Variants in IMMP2L observed in about 807,000 individuals in gnomAD.
IMMP2L encodes the protein mitochondrial inner membrane protease subunit 2.
Under a neutral mutation model 19.3 loss-of-function variants are expected in IMMP2L, and 18 were observed. The observed-to-expected ratio is 0.93, with a 90% CI of 0.64 to 1.38. IMMP2L has a LOEUF of 1.38. IMMP2L is among the 40% of genes most tolerant of loss of function. The pLI, the probability that IMMP2L is intolerant of heterozygous loss-of-function variation, is 0.00. For synonymous variants in IMMP2L, 76 were observed against 73.0 expected (o/e 1.04, Z -0.21); for missense variants, 233 against 218.2 (o/e 1.07, Z -0.43).
chr7:111,476,663 T>C (rs992219779), intron 3 of IMMP2L, among the ~76,000 whole-genome samples: 6 of 152,132 alleles, frequency 3.9e-5, no homozygotes, highest in Admixed American at 2.0e-4. Context: ...AAATTCTGTG[T>C]AGTTGTAAGA....
chr7:110,759,732 T>C (rs1798241171), intron 5 of IMMP2L, among the ~76,000 whole-genome samples: 1 of 152,136 alleles, frequency 6.6e-6, no homozygotes, highest in Non-Finnish European at 1.5e-5. Context: ...CATGCCCTTG[T>C]TCAACTTTTA....
intron 5 of IMMP2L, among the ~76,000 whole-genome samples, chr7:110,799,685 T>A (rs1801112030): frequency 6.6e-6 from 1 of 152,086 alleles, no homozygotes; most frequent in South Asian, 2.1e-4. Context: ...TCATTTTTAT[T>A]TACCGCTAGT....
chr7:111,423,306 G>C (rs1316554482), intron 3 of IMMP2L, among the ~76,000 whole-genome samples: 1 of 151,818 alleles, frequency 6.6e-6, no homozygotes, highest in African/African-American at 2.4e-5. Flanking sequence ...GCTAATCTTT[G>C]TACCTCTGGT....
At position 111,259,393 on chromosome 7, in the gene IMMP2L, G is replaced by C. The variant is rs185611291; in HGVS notation, c.239+227845C>G. On this transcript the variant is annotated intron_variant, in intron 3 of 5. Coordinates refer to ENST00000405709, the MANE Select transcript of IMMP2L (RefSeq NM_032549.4). Reference sequence around the variant, plus strand: ...CTCATGACTGTAATCCCAAAACTTTGGGAAGCCAAGGCAAGAGGATCACTC... The same window carrying C: ...CTCATGACTGTAATCCCAAAACTTTCGGAAGCCAAGGCAAGAGGATCACTC... Among the ~76,000 whole-genome samples, 1,367 of 152,182 alleles carry C rather than the reference G, an allele frequency of 9.0e-3. 7 individuals carry two copies. Among genetic ancestry groups the C allele is most frequent in the Non-Finnish European group, 0.015 (994 of 68,010 alleles).
intron 3 of IMMP2L, among the ~76,000 whole-genome samples, chr7:111,168,081 G>T (rs561598461): frequency 1.3e-5 from 2 of 151,926 alleles, no homozygotes; most frequent in South Asian, 4.1e-4. Flanking sequence ...ATTTCATTAA[G>T]GTCTATAGAA....
intron 3 of IMMP2L, among the ~76,000 whole-genome samples, chr7:111,258,538 G>A (rs374250383): frequency 2.6e-5 from 4 of 151,788 alleles, no homozygotes; most frequent in Admixed American, 6.6e-5. Flanking sequence ...AAAGAATCTT[G>A]CTCTGTCGCC....
At chr7:111,557,420 C>T (rs1481830129) in intron 1 of IMMP2L, among the ~76,000 whole-genome samples, 1 of 152,188 alleles carries the variant, frequency 6.6e-6, no homozygotes, top group Admixed American at 6.5e-5. Context: ...TTGTCCTTCA[C>T]ACTCTAATAT....
In IMMP2L at chr7:110,706,130, T is replaced by A. The variant is rs140029050; in HGVS notation, c.409-42409A>T. Reference sequence around the variant, plus strand: ...GTAGTACTGTATTTTAGAGATGGGGTCTTACTCTGTCATTTAAGCTGGAGT... The same window carrying A: ...GTAGTACTGTATTTTAGAGATGGGGACTTACTCTGTCATTTAAGCTGGAGT... On this transcript the variant is annotated intron_variant, in intron 5 of 5. Coordinates refer to ENST00000405709, the MANE Select transcript of IMMP2L (RefSeq NM_032549.4). Among the ~76,000 whole-genome samples, 968 of 152,096 alleles carry A rather than the reference T, an allele frequency of 6.4e-3. 12 individuals carry two copies. The highest frequency in any genetic ancestry group is 0.022 in the African/African-American group (915 of 41,470).
At chr7:110,901,120 T>G (rs1359736991) in intron 4 of IMMP2L, among the ~76,000 whole-genome samples, 1 of 152,102 alleles carries the variant, frequency 6.6e-6, no homozygotes, top group Admixed American at 6.6e-5. Flanking sequence ...CCTGTCACAC[T>G]CTACTCTTCA....
At chr7:111,068,617 T>C (rs1465212675) in intron 3 of IMMP2L, among the ~76,000 whole-genome samples, 2 of 152,174 alleles carry the variant, frequency 1.3e-5, no homozygotes, top group African/African-American at 4.8e-5. Context: ...TAAATTACAA[T>C]CATTCCAAGT....
Position 110,670,721 on chromosome 7 carries a change from A to C in IMMP2L, c.409-7000T>G, listed in dbSNP as rs1193668529. 2.0e-5 allele frequency among the ~76,000 whole-genome samples: 3 copies of C among 151,822 alleles called. No homozygotes were observed. The East Asian group carries it at 5.8e-4, about 29-fold the overall frequency. ...AAAAAAAAACAAAAAAAACAAAAAA[A>C]ACCCCTAAACAACACAGTGCTAGAA... On this transcript the variant is annotated intron_variant, in intron 5 of 5. Transcript: ENST00000405709.
chr7:110,698,179 T>C (rs1667202396), intron 5 of IMMP2L, among the ~76,000 whole-genome samples: 1 of 152,172 alleles, frequency 6.6e-6, no homozygotes, highest in Admixed American at 6.5e-5. Context: ...TCCACCATAG[T>C]CACTGACTAT....
chr7:111,344,953 A>G (rs1341561081), intron 3 of IMMP2L, among the ~76,000 whole-genome samples: 1 of 152,082 alleles, frequency 6.6e-6, no homozygotes, highest in Non-Finnish European at 1.5e-5. Flanking sequence ...CTGGAGGAGA[A>G]TATGAGGCAA....
chr7:111,558,125 T>A (rs1791593240), intron 1 of IMMP2L, among the ~76,000 whole-genome samples: 1 of 152,096 alleles, frequency 6.6e-6, no homozygotes, highest in African/African-American at 2.4e-5. Flanking sequence ...TTGACAAAGA[T>A]CAACAGAGAA....
At chr7:111,062,388 T>C (rs1040230828) in intron 3 of IMMP2L, among the ~76,000 whole-genome samples, 1 of 152,096 alleles carries the variant, frequency 6.6e-6, no homozygotes. Context: ...ACCAAGTTTC[T>C]CCCATGACAC....
At position 110,938,654 on chromosome 7, in the gene IMMP2L, G is replaced by A. The variant is rs185405906; in HGVS notation, c.305+24846C>T. The stretch of plus-strand genomic sequence containing the variant: ...GCACAATATTCAATATTTGGGCGAT[G>A]GGTACAGTAAAAGCCCAGACTTCAC... On this transcript the variant is annotated intron_variant, in intron 4 of 5. Coordinates refer to ENST00000405709, the MANE Select transcript of IMMP2L (RefSeq NM_032549.4). 3.3e-5 allele frequency among the ~76,000 whole-genome samples: 5 copies of A among 152,184 alleles called. 1 individual carries two copies. The highest frequency in any genetic ancestry group is 1.2e-4 in the African/African-American group (5 of 41,542).
At chr7:110,894,736 T>G (rs781655431) in intron 4 of IMMP2L, among the ~76,000 whole-genome samples, 1 of 152,214 alleles carries the variant, frequency 6.6e-6, no homozygotes, top group Non-Finnish European at 1.5e-5. Context: ...AACATTTTTC[T>G]TTTAAAATAC....
intron 3 of IMMP2L, among the ~76,000 whole-genome samples, chr7:110,996,832 T>C (rs1823086892): frequency 6.6e-6 from 1 of 152,074 alleles, no homozygotes; most frequent in Non-Finnish European, 1.5e-5. Context: ...ATACTGACAT[T>C]GATAAGATCC....
chr7:110,837,506 CTT>C (rs779316466), intron 5 of IMMP2L, among the ~76,000 whole-genome samples: 163 of 152,160 alleles, frequency 1.1e-3, no homozygotes, highest in Non-Finnish European at 2.0e-3. Flanking sequence ...GATTTTAACA[CTT>C]GCTACACAAA....
Sources: allele counts gnomAD v4.1 joint callset (sites outside exome capture counted in the v4.1 genomes callset), GRCh38; gene constraint gnomAD v4.1.1; transcripts MANE v1.5; gene names NCBI Gene and HGNC (gene_info 2026-07-23, HGNC 2026-07-21).